The following ARHGEF4 variants were observed in gnomAD, a reference collection of about 807,000 sequenced individuals.
ARHGEF4 encodes Rho guanine nucleotide exchange factor 4.
ARHGEF4 carries 119 observed loss-of-function variants against 162.0 expected under a neutral mutation model. The ratio of observed to expected loss-of-function variants is 0.73; its 90% confidence interval spans 0.63 to 0.86. The LOEUF (loss-of-function observed/expected upper bound fraction) is 0.86, where lower values mean the gene tolerates loss of function less well. Ranked by LOEUF, ARHGEF4 falls within the 40% of genes least tolerant of loss-of-function variation. The pLI is 0.00. For synonymous variants in ARHGEF4, 1,014 were observed against 979.9 expected (o/e 1.03, Z -0.65); for missense variants, 2,488 against 2,456.0 (o/e 1.01, Z -0.28).
intron 4 of ARHGEF4, among the ~76,000 whole-genome samples, chr2:130,947,436 G>T (rs1298044017): frequency 6.6e-6 from 1 of 151,986 alleles, no homozygotes; most frequent in African/African-American, 2.4e-5. Flanking sequence ...CCCCAGCTTG[G>T]CTCCATTAGT....
At chr2:130,842,880 G>T (rs1202688188) in intron 1 of ARHGEF4, among the ~76,000 whole-genome samples, 1 of 152,166 alleles carries the variant, frequency 6.6e-6, no homozygotes, top group Admixed American at 6.6e-5. Flanking sequence ...TGGCAGGTTG[G>T]GGGTAGCTCA....
intron 1 of ARHGEF4, 81 bp from the exon 2 acceptor site, chr2:130,913,905 T>C (rs1413593080): frequency 2.0e-6 from 3 of 1,491,594 alleles, no homozygotes; most frequent in Non-Finnish European, 2.7e-6. Flanking sequence ...TTCCTCCTTC[T>C]GGCAAAGGCA....
chr2:130,993,427 G>A (rs1384743961), intron 4 of ARHGEF4, among the ~76,000 whole-genome samples: 1 of 151,930 alleles, frequency 6.6e-6, no homozygotes, highest in Non-Finnish European at 1.5e-5. Context: ...TGTTTCATAT[G>A]TACTTAAAAA....
At chr2:130,991,892 A>C (rs562543669) in intron 4 of ARHGEF4, among the ~76,000 whole-genome samples, 3 of 152,240 alleles carry the variant, frequency 2.0e-5, no homozygotes, top group Non-Finnish European at 2.9e-5. Context: ...CCACTGGGTG[A>C]AGCCAGCTGG....
intron 1 of ARHGEF4, among the ~76,000 whole-genome samples, chr2:130,880,235 C>G (rs1405023963): frequency 6.6e-6 from 1 of 152,188 alleles, no homozygotes; most frequent in African/African-American, 2.4e-5. Context: ...CCCCCTGCTG[C>G]CTCAGAAGTG....
chr2:130,846,954 C>T (rs1681020440), intron 1 of ARHGEF4, among the ~76,000 whole-genome samples: 2 of 152,290 alleles, frequency 1.3e-5, no homozygotes, highest in Non-Finnish European at 2.9e-5. Flanking sequence ...GAGTGTGTTT[C>T]CACTGTATCC....
intron 2 of ARHGEF4, among the ~76,000 whole-genome samples, chr2:130,929,110 G>T (rs748415435): frequency 4.6e-5 from 7 of 152,170 alleles, no homozygotes; most frequent in Non-Finnish European, 8.8e-5. Flanking sequence ...GACTTGCTCT[G>T]AGGCAAGTCG....
chr2:130,938,052 T>C (rs1683070196), intron 3 of ARHGEF4, among the ~76,000 whole-genome samples: 1 of 152,188 alleles, frequency 6.6e-6, no homozygotes, highest in East Asian at 1.9e-4. Context: ...TTGCTGACAG[T>C]ATTCCGTGGC....
At chr2:131,005,332 A>G (rs7579742) in intron 4 of ARHGEF4, among the ~76,000 whole-genome samples, 20,604 of 152,044 alleles carry the variant, frequency 0.14, 1,530 homozygotes, top group African/African-American at 0.2. Context: ...CAGCCAGGGT[A>G]AGCCCTCCCC....
At chr2:130,988,922 A>AGAGG in intron 4 of ARHGEF4, among the ~76,000 whole-genome samples, 1 of 150,230 alleles carries the variant, frequency 6.7e-6, no homozygotes, top group Non-Finnish European at 1.5e-5. Flanking sequence ...AGAGAGAGAG[A>AGAGG]GAGAGAGAGA....
chr2:130,872,753 G>A (rs1296808518), intron 1 of ARHGEF4, among the ~76,000 whole-genome samples: 1 of 152,214 alleles, frequency 6.6e-6, no homozygotes, highest in Admixed American at 6.5e-5. Context: ...AAGGAGCAGA[G>A]GAGAAGAATG....
chr2:130,957,372 A>G (rs1684351761), intron 4 of ARHGEF4, among the ~76,000 whole-genome samples: 1 of 152,202 alleles, frequency 6.6e-6, no homozygotes, highest in Admixed American at 6.5e-5. Flanking sequence ...AGCCAGGCTC[A>G]AAAGATCATA....
Position 130,914,444 on chromosome 2 carries a change from C to A in ARHGEF4, c.498C>A (p.Thr166=). 1 of 1,435,248 alleles carries A rather than the reference C, an allele frequency of 7.0e-7. No homozygotes were observed. The highest frequency in any genetic ancestry group is 9.1e-7 in the Non-Finnish European group (1 of 1,100,386). The allele number at this position is 1,435,248 out of a possible 1,614,324, so 88.9% of individuals were successfully genotyped here. The change falls in exon 2 of 14, where the codon ACC becomes ACA. Residue 166 remains threonine, a synonymous_variant. Transcript: ENST00000409359. ...CAGGACACCTCTGGGACTGCGCGAC[C>A]AGCCTGGAGCGAGAGTCTTTGCTGG... ...QEAGHLWDCA[T]SLERESLLAG...
chr2:130,864,466 T>G (rs1208235594), intron 1 of ARHGEF4, among the ~76,000 whole-genome samples: 1 of 152,182 alleles, frequency 6.6e-6, no homozygotes, highest in Admixed American at 6.5e-5. Context: ...GGCTCACGCC[T>G]ATAATCCCAG....
chr2:130,981,021 T>C (rs1028405162), intron 4 of ARHGEF4, among the ~76,000 whole-genome samples: 2 of 152,224 alleles, frequency 1.3e-5, no homozygotes, highest in Non-Finnish European at 2.9e-5. Context: ...TCACCTACTT[T>C]TGCCAAATTA....
intron 1 of ARHGEF4, among the ~76,000 whole-genome samples, chr2:130,885,130 T>G (rs1453611701): frequency 6.6e-6 from 1 of 152,230 alleles, no homozygotes; most frequent in Non-Finnish European, 1.5e-5. Context: ...GCCTTTCTAC[T>G]GTCTCATCTC....
intron 3 of ARHGEF4, among the ~76,000 whole-genome samples, chr2:130,942,601 A>G (rs750601907): frequency 7.9e-5 from 12 of 152,368 alleles, no homozygotes; most frequent in Middle Eastern, 6.8e-3. Context: ...TTAGAACAGC[A>G]GGAATAATAA....
At chr2:131,010,567 C>T (rs913992031) in intron 4 of ARHGEF4, among the ~76,000 whole-genome samples, 7 of 152,206 alleles carry the variant, frequency 4.6e-5, no homozygotes, top group East Asian at 1.9e-4. Context: ...TGGCCTCTGT[C>T]GAAGAGCAAG....
intron 4 of ARHGEF4, among the ~76,000 whole-genome samples, chr2:130,965,326 G>A (rs998933209): frequency 2.6e-5 from 4 of 152,262 alleles, no homozygotes; most frequent in African/African-American, 9.6e-5. Context: ...GCGAGTTTGG[G>A]AGAGAGAAGT....
Sources: gnomAD v4.1 joint callset for allele counts (sites outside exome capture counted in the v4.1 genomes callset) on GRCh38, gnomAD v4.1.1 for gene constraint, MANE v1.5 for transcripts, NCBI Gene and HGNC (gene_info 2026-07-23, HGNC 2026-07-21) for gene names.